The following ZFYVE27 variants were observed in gnomAD, a reference collection of about 807,000 sequenced individuals.
The protein encoded by ZFYVE27 is zinc finger FYVE-type containing 27, also known as protrudin.
A neutral mutation model predicts 52.8 loss-of-function variants in ZFYVE27; 36 were observed. The observed-to-expected ratio is 0.68, with a 90% CI of 0.52 to 0.90. ZFYVE27 has a LOEUF of 0.90. Ranked by LOEUF, ZFYVE27 falls within the 40% of genes least tolerant of loss-of-function variation. ZFYVE27 has a pLI of 0.00. For synonymous variants in ZFYVE27, 223 were observed against 215.6 expected, an observed-to-expected ratio of 1.03 and a Z score of -0.30; for missense variants, 450 against 527.2, an observed-to-expected ratio of 0.85 and a Z score of 1.43.
At position 97,754,940 on chromosome 10, in the gene ZFYVE27, T is replaced by G. The variant is rs1012075400; in HGVS notation, c.1042+1758T>G. ...CCCAGAGACTTTGGCCTGGAAATGG[T>G]GGAGCTGTGACTCAAATTCAGGTTG... On this transcript the variant is annotated intron_variant, in intron 10 of 12. Transcript: ENST00000684270. 17 of 619,380 alleles carry G rather than the reference T, an allele frequency of 2.7e-5. No homozygotes were observed. In the South Asian group the frequency reaches 3.5e-4, roughly 13 times the overall value. The allele number at this position is 619,380 out of a possible 1,614,324, so 38.4% of individuals were successfully genotyped here. A position where few individuals can be genotyped will look rare whatever the true frequency, so the allele number is the denominator to read the frequency against.
At chr10:97,757,827 T>C (rs2048765296) in intron 12 of ZFYVE27, 104 bp downstream of exon 12, 1 of 1,175,286 alleles carries the variant, frequency 8.5e-7, no homozygotes, top group Admixed American at 1.8e-5. Flanking sequence ...AACTTGGGAT[T>C]GTAGTCAGGC....
rs547223774 is a variant in ZFYVE27 at position 97,759,357 on chromosome 10, C to G, written c.*57C>G. On this transcript the variant is annotated 3_prime_UTR_variant, in exon 13 of 13. Transcript: ENST00000684270. ...TCCTTGGGACCAGCAGTAGACCCCCCACTCTCCCCACCCCTGGCCCACTGT... is the reference window on the plus strand; with the variant it reads ...TCCTTGGGACCAGCAGTAGACCCCCGACTCTCCCCACCCCTGGCCCACTGT... 32 of 1,579,570 alleles carry G rather than the reference C, an allele frequency of 2.0e-5. No homozygotes were observed. The highest frequency in any genetic ancestry group is 1.2e-4 in the South Asian group (11 of 90,208).
chr10:97,751,609 G>A (rs1010124847), intron 8 of ZFYVE27, 147 bp downstream of exon 8: 5 of 803,050 alleles, frequency 6.2e-6, no homozygotes, highest in Non-Finnish European at 1.0e-5. Context: ...GAGTGCCACT[G>A]AACCCCTCCC....
Position 97,738,574 on chromosome 10 carries a change from C to T in ZFYVE27, c.97C>T (p.Pro33Ser). 6.2e-7 allele frequency: 1 copy of T among 1,614,224 alleles called. No homozygotes were observed. Among genetic ancestry groups the T allele is most frequent in the Non-Finnish European group, 8.5e-7 (1 of 1,180,046 alleles). ...GTCTCCACCTTTTCCTACCAAGTCC[C>T]CAGCGTTTGACCTTTTCAACTTGGT... ...LESPPFPTKSPAFDLFNLVLS... is the reference protein window; with the variant it reads ...LESPPFPTKSSAFDLFNLVLS... The change falls in exon 2 of 13, where the codon CCA (proline) becomes TCA (serine). Residue 33 changes from proline to serine, a missense_variant. By Grantham distance (74) the Pro-to-Ser change is moderately conservative. Coordinates refer to ENST00000684270, the MANE Select transcript of ZFYVE27 (RefSeq NM_001385875.1).
intron 5 of ZFYVE27, 54 bp downstream of exon 5, chr10:97,748,418 C>A: frequency 6.4e-7 from 1 of 1,571,900 alleles, no homozygotes; most frequent in African/African-American, 1.3e-5. Flanking sequence ...CAGCTTGAGC[C>A]CGAGCAAAGC....
At chr10:97,752,650 T>C (rs1212898868) in intron 8 of ZFYVE27, among the ~76,000 whole-genome samples, 1 of 152,086 alleles carries the variant, frequency 6.6e-6, no homozygotes, top group Admixed American at 6.5e-5. Flanking sequence ...TTTGAGAAAC[T>C]GTAGTACCTA....
intron 8 of ZFYVE27, among the ~76,000 whole-genome samples, chr10:97,752,342 C>A (rs2047208070): frequency 6.6e-6 from 1 of 152,186 alleles, no homozygotes; most frequent in African/African-American, 2.4e-5. Context: ...ATACATCAGC[C>A]CAGGCCATGC....
At chr10:97,753,351 G>T (rs534364893) in intron 10 of ZFYVE27, among the ~76,000 whole-genome samples, 169 bp downstream of exon 10, 67 of 152,238 alleles carry the variant, frequency 4.4e-4, no homozygotes, top group Middle Eastern at 3.4e-3. Flanking sequence ...GCTAGCAGAT[G>T]CCCGGCAGGA....
At position 97,749,564 on chromosome 10, in the gene ZFYVE27, G is replaced by A. The variant is rs1472775942; in HGVS notation, c.642G>A (p.Leu214=). Residue 214 remains leucine, a synonymous_variant, in exon 6 of 13, where the codon CTG becomes CTA. Transcript: ENST00000684270. ...CCCTTTTAAACAGCACGCTCTTTCT[G>A]GGGAATGTGGAGTTCTTCCGAGGTA... The part of the protein sequence containing the change: ...VLTLLNSTLF[L]GNVEFFRVVS... The A allele has an allele frequency of 1.2e-6, 2 of 1,614,124 alleles. No homozygotes were observed. The highest frequency in any genetic ancestry group is 2.2e-5 in the South Asian group (2 of 91,084).
chr10:97,738,451 A>C (rs777144516), intron 1 of ZFYVE27, 26 bp from the exon 2 acceptor site: 7 of 1,612,696 alleles, frequency 4.3e-6, no homozygotes, highest in Non-Finnish European at 5.9e-6. Flanking sequence ...GTGCAATGCA[A>C]ATGTTGGGAA....
In ZFYVE27 at chr10:97,759,428, C is replaced by T. The variant is rs1288810587; in HGVS notation, c.*128C>T. Reference sequence around the variant, plus strand: ...GGCCTGAATGCTAGGTAGGCTTCCCCTTCCTTCCTCACTCTCTCCAGCTGG... The same window carrying T: ...GGCCTGAATGCTAGGTAGGCTTCCCTTTCCTTCCTCACTCTCTCCAGCTGG... On this transcript the variant is annotated 3_prime_UTR_variant, in exon 13 of 13. Transcript: ENST00000684270. The T allele has an allele frequency of 2.2e-6, 2 of 918,970 alleles. No individual in the cohort carries two copies. Among genetic ancestry groups the T allele is most frequent in the Non-Finnish European group, 3.5e-6 (2 of 569,512 alleles). The allele number at this position is 918,970 out of a possible 1,614,324, so 56.9% of individuals were successfully genotyped here. A position where few individuals can be genotyped will look rare whatever the true frequency, so the allele number is the denominator to read the frequency against.
At chr10:97,743,327 A>G (rs537327063) in intron 3 of ZFYVE27, among the ~76,000 whole-genome samples, 163 bp downstream of exon 3, 1 of 152,208 alleles carries the variant, frequency 6.6e-6, no homozygotes, top group Admixed American at 6.5e-5. Context: ...GGGACGATCC[A>G]GGCTGAGCTG....
At chr10:97,751,238 A>T (rs749254074) in intron 7 of ZFYVE27, 153 bp from the exon 8 acceptor site, 2 of 792,728 alleles carry the variant, frequency 2.5e-6, no homozygotes, top group Non-Finnish European at 4.3e-6. Flanking sequence ...GCCAGGCTAG[A>T]GGTTGCTCCT....
chr10:97,742,569 T>C (rs1300209621), intron 2 of ZFYVE27, among the ~76,000 whole-genome samples: 1 of 152,202 alleles, frequency 6.6e-6, no homozygotes, highest in Non-Finnish European at 1.5e-5. Flanking sequence ...AATTAATAGG[T>C]ATTCAAAATA....
In ZFYVE27 at chr10:97,751,452, A is replaced by G; in HGVS notation, c.866A>G (p.Asp289Gly). The change falls in exon 8 of 13, where the codon GAT becomes GGT. Residue 289 changes from aspartate to glycine, a missense_variant. Transcript: ENST00000684270. ...EEAEPDEEFKDAIEETHLVVL... is the reference protein window; with the variant it reads ...EEAEPDEEFKGAIEETHLVVL... The stretch of plus-strand genomic sequence containing the variant: ...GCTGAGCCAGATGAAGAGTTTAAAG[A>G]TGCGATTGAGGTGGGTGGCCCTTCC... 6 of 1,613,846 alleles carry G rather than the reference A, an allele frequency of 3.7e-6. No individual in the cohort carries two copies. Among genetic ancestry groups the G allele is most frequent in the Non-Finnish European group, 4.2e-6 (5 of 1,179,826 alleles).
intron 8 of ZFYVE27, 77 bp downstream of exon 8, chr10:97,751,539 T>C (rs11814412): frequency 6.9e-7 from 1 of 1,439,496 alleles, no homozygotes; most frequent in Non-Finnish European, 9.7e-7. Flanking sequence ...TTTGTTTTTG[T>C]TTTTTAATGT....
chr10:97,738,555 A>G lies in ZFYVE27; in HGVS notation c.78A>G (p.Pro26=). 6.2e-7 allele frequency: 1 copy of G among 1,614,152 alleles called. No homozygotes were observed. The highest frequency in any genetic ancestry group is 1.1e-5 in the South Asian group (1 of 91,076). The part of the protein sequence containing the change: ...SVMPEAPLES[P]PFPTKSPAFD... The stretch of plus-strand genomic sequence containing the variant: ...TGCCCGAGGCTCCCCTGGAGTCTCC[A>G]CCTTTTCCTACCAAGTCCCCAGCGT... Residue 26 remains proline, a synonymous_variant, in exon 2 of 13, where the codon CCA becomes CCG. Transcript: ENST00000684270.
In ZFYVE27 at chr10:97,744,801, G is replaced by C; in HGVS notation, c.341G>C (p.Arg114Pro). The stretch of plus-strand genomic sequence containing the variant: ...CTGGGCTACCTTCAGGAGGTTTGCC[G>C]GGCACGGCTGCCTGATTCCGAGCTG... ...ALLGYLQEVCRARLPDSELMR... is the reference protein window; with the variant it reads ...ALLGYLQEVCPARLPDSELMR... Residue 114 changes from arginine (R) to proline (P), a missense_variant, in exon 4 of 13, where the codon CGG becomes CCG. By Grantham distance (103) the Arg-to-Pro change is moderately radical. Coordinates refer to ENST00000684270, the MANE Select transcript of ZFYVE27 (RefSeq NM_001385875.1). 6.2e-7 allele frequency: 1 copy of C among 1,614,028 alleles called. No homozygotes were observed. The highest frequency in any genetic ancestry group is 8.5e-7 in the Non-Finnish European group (1 of 1,180,044).
Position 97,752,550 on chromosome 10 carries a change from CAA to C in ZFYVE27, c.877-304_877-303del, listed in dbSNP as rs371501598. On this transcript the variant is annotated intron_variant, in intron 8 of 12. Transcript: ENST00000684270. The stretch of plus-strand genomic sequence containing the variant: ...TAAAATATGTAAAACTTAAGTGAAA[CAA>C]AAGTTTCCGGAAAATACGTTGTAAG... Among the ~76,000 whole-genome samples, 117 of 152,246 alleles carry C rather than the reference CAA, an allele frequency of 7.7e-4. 1 individual carries two copies. Among genetic ancestry groups the C allele is most frequent in the African/African-American group, 2.7e-3 (113 of 41,554 alleles).
Sources: gnomAD v4.1 joint callset for allele counts (sites outside exome capture counted in the v4.1 genomes callset) on GRCh38, gnomAD v4.1.1 for gene constraint, MANE v1.5 for transcripts, NCBI Gene and HGNC (gene_info 2026-07-23, HGNC 2026-07-21) for gene names.